Variants in SLC12A9 observed in about 807,000 individuals in gnomAD.
SLC12A9 encodes solute carrier family 12 member 9.
In SLC12A9, 55 loss-of-function variants were observed where a neutral mutation model predicts 66.0. The observed-to-expected ratio is 0.83, with a 90% CI of 0.67 to 1.04. SLC12A9 has a LOEUF of 1.04. SLC12A9 is among the 50% of genes least tolerant of loss of function. The probability of loss-of-function intolerance (pLI) is 0.00; values close to 1 mark genes in which losing one functional copy is unlikely to be tolerated. For synonymous variants in SLC12A9, 577 were observed against 569.0 expected (o/e 1.01, Z -0.20); for missense variants, 1,061 against 1,241.9 (o/e 0.85, Z 2.19).
At chr7:100,849,337 C>T (rs1337155244), upstream of SLC12A9, among the ~76,000 whole-genome samples, 1 of 152,072 alleles carries the variant, frequency 6.6e-6, no homozygotes, top group Non-Finnish European at 1.5e-5. Context: ...CTCAACCTCC[C>T]AGATTCACTC....
intron 1 of SLC12A9, among the ~76,000 whole-genome samples, chr7:100,845,687 T>C (rs1354379965): frequency 6.6e-6 from 1 of 152,090 alleles, no homozygotes; most frequent in Non-Finnish European, 1.5e-5. Context: ...CTACTGCCCA[T>C]AAAAACAGGC....
Position 100,854,112 on chromosome 7 carries a change from A to G in SLC12A9, c.-42-44A>G, listed in dbSNP as rs1814237618. 4 of 1,298,552 alleles carry G rather than the reference A, an allele frequency of 3.1e-6. No homozygotes were observed. The African/African-American group carries it at 4.6e-5, about 15-fold the overall frequency. The allele number at this position is 1,298,552 out of a possible 1,614,324, so 80.4% of individuals were successfully genotyped here. A position where few individuals can be genotyped will look rare whatever the true frequency, so the allele number is the denominator to read the frequency against. Reference sequence around the variant, plus strand: ...GATTAGTGGTCTTTGGGGGTGGGCGAGCTCTGTGGGGGAGCTTTTGATGCA... The same window carrying G: ...GATTAGTGGTCTTTGGGGGTGGGCGGGCTCTGTGGGGGAGCTTTTGATGCA... On this transcript the variant is annotated intron_variant, in intron 1 of 13. Coordinates refer to ENST00000354161, the MANE Select transcript of SLC12A9 (RefSeq NM_020246.4).
At chr7:100,829,272 G>C (rs915640569) in intron 1 of SLC12A9, among the ~76,000 whole-genome samples, 1 of 152,150 alleles carries the variant, frequency 6.6e-6, no homozygotes, top group Non-Finnish European at 1.5e-5. Flanking sequence ...ACAGACGTTA[G>C]CCACCGCGCC....
intron 1 of SLC12A9, among the ~76,000 whole-genome samples, chr7:100,829,013 A>T (rs1227272689): frequency 1.3e-5 from 2 of 149,216 alleles, no homozygotes; most frequent in Non-Finnish European, 3.0e-5. Context: ...TTTGAGACAG[A>T]GTCTCCCTCT....
chr7:100,849,182 C>T (rs1814001469), upstream of SLC12A9, among the ~76,000 whole-genome samples: 1 of 151,642 alleles, frequency 6.6e-6, no homozygotes, highest in African/African-American at 2.4e-5. Flanking sequence ...CTGCTTCGGC[C>T]TCCCAAAGTG....
At chr7:100,847,641 T>C (rs1278338994) in intron 1 of SLC12A9, among the ~76,000 whole-genome samples, 1 of 151,928 alleles carries the variant, frequency 6.6e-6, no homozygotes, top group Non-Finnish European at 1.5e-5. Flanking sequence ...GCCAAAGGAA[T>C]TGTCTATGGT....
At chr7:100,854,534 G>C in intron 2 of SLC12A9, 86 bp from the exon 3 acceptor site, 1 of 1,600,834 alleles carries the variant, frequency 6.2e-7, no homozygotes, top group East Asian at 2.2e-5. Context: ...CTTGCATTTA[G>C]CTCCACCCTG....
chr7:100,847,946 C>A (rs1481117606), upstream of SLC12A9, among the ~76,000 whole-genome samples: 1 of 151,792 alleles, frequency 6.6e-6, no homozygotes, highest in Non-Finnish European at 1.5e-5. Flanking sequence ...ATGAGCCAGG[C>A]ATGGTGGCAC....
rs1813427391 is a variant in SLC12A9, at chr7:100,827,098, T to C, written n.228+51T>C. On this transcript the variant is annotated intron_variant and non_coding_transcript_variant, in intron 1 of 1. Coordinates refer to the SLC12A9 transcript ENST00000461016. ...GCCCTCGCCCCCCCAGGTCTGACTC[T>C]CCCTGGGCGGGTGGACGCCGATACT... 2.0e-6 allele frequency: 3 copies of C among 1,503,554 alleles called. No individual in the cohort carries two copies. In the African/African-American group the frequency reaches 4.2e-5, roughly 21 times the overall value. The allele number at this position is 1,503,554 out of a possible 1,614,324, so 93.1% of individuals were successfully genotyped here. A position where few individuals can be genotyped will look rare whatever the true frequency, so the allele number is the denominator to read the frequency against.
intron 1 of SLC12A9, among the ~76,000 whole-genome samples, chr7:100,827,799 C>A (rs1439925198): frequency 6.6e-6 from 1 of 152,202 alleles, no homozygotes; most frequent in Non-Finnish European, 1.5e-5. Flanking sequence ...CATGTCGGGG[C>A]TGGGGCCCAG....
At chr7:100,829,220 T>G (rs1813493960) in intron 1 of SLC12A9, among the ~76,000 whole-genome samples, 1 of 152,088 alleles carries the variant, frequency 6.6e-6, no homozygotes, top group African/African-American at 2.4e-5. Flanking sequence ...ACTCCTGACC[T>G]AAAGTGATCC....
intron 1 of SLC12A9, among the ~76,000 whole-genome samples, chr7:100,835,094 G>T (rs1340489482): frequency 6.6e-6 from 1 of 152,162 alleles, no homozygotes; most frequent in Non-Finnish European, 1.5e-5. Flanking sequence ...AGTGGCTCAC[G>T]CCTGTAATCC....
chr7:100,846,789 A>G (rs181685501), intron 1 of SLC12A9, among the ~76,000 whole-genome samples: 384 of 152,328 alleles, frequency 2.5e-3, no homozygotes, highest in African/African-American at 8.6e-3. Flanking sequence ...AAGAAAAAGT[A>G]AAAACTAAAA....
Position 100,842,887 on chromosome 7 carries a change from C to T in SLC12A9, n.228+15840C>T, listed in dbSNP as rs150272055. Among the ~76,000 whole-genome samples, 115 of 152,374 alleles carry T rather than the reference C, an allele frequency of 7.5e-4. 1 individual carries two copies. The East Asian group carries it at 0.015, about 20-fold the overall frequency. On this transcript the variant is annotated intron_variant and non_coding_transcript_variant, in intron 1 of 1. Transcript: ENST00000461016. Reference sequence around the variant, plus strand: ...CTGGAGTAATAAGTCATGCCAAGCTCTCTCTGCTGTATCCCTAAGTCTGGC... The same window carrying T: ...CTGGAGTAATAAGTCATGCCAAGCTTTCTCTGCTGTATCCCTAAGTCTGGC...
At chr7:100,828,123 C>T (rs1202663624) in intron 1 of SLC12A9, among the ~76,000 whole-genome samples, 2 of 152,210 alleles carry the variant, frequency 1.3e-5, no homozygotes, top group Non-Finnish European at 2.9e-5. Flanking sequence ...ACACAGTCAC[C>T]CCATAAACAT....
At chr7:100,827,043 C>G in exon 1 of SLC12A9, 1 of 1,577,044 alleles carries the variant, frequency 6.3e-7, no homozygotes, top group Non-Finnish European at 8.6e-7. Flanking sequence ...CGCCGCCTCA[C>G]TCGGGTAGGA....
At chr7:100,832,686 C>A (rs910548591) in intron 1 of SLC12A9, among the ~76,000 whole-genome samples, 4 of 152,154 alleles carry the variant, frequency 2.6e-5, no homozygotes. Flanking sequence ...TGTTATTTTT[C>A]TAGCTTGTAT....
At chr7:100,857,353 G>A in intron 5 of SLC12A9, 177 bp downstream of exon 5, 1 of 699,834 alleles carries the variant, frequency 1.4e-6, no homozygotes, top group Non-Finnish European at 2.3e-6. Context: ...GGCCGGCAGG[G>A]CAGGAGGAAG....
At chr7:100,848,341 C>G (rs35375191), upstream of SLC12A9, among the ~76,000 whole-genome samples, 1 of 150,968 alleles carries the variant, frequency 6.6e-6, no homozygotes, top group African/African-American at 2.4e-5. Context: ...CCTGTCTCTA[C>G]AAAATATAAA....
Sources: allele counts gnomAD v4.1 joint callset (sites outside exome capture counted in the v4.1 genomes callset), GRCh38; gene constraint gnomAD v4.1.1; transcripts MANE v1.5; gene names NCBI Gene and HGNC (gene_info 2026-07-23, HGNC 2026-07-21).